Variants in ATP8B4 observed in about 807,000 individuals in gnomAD.
ATP8B4 encodes ATPase phospholipid transporting 8B4 (putative).
ATP8B4 carries 133 observed loss-of-function variants against 145.6 expected under a neutral mutation model. The observed-to-expected ratio is 0.91, with a 90% CI of 0.79 to 1.05. The LOEUF (loss-of-function observed/expected upper bound fraction) is 1.05, where lower values mean the gene tolerates loss of function less well. Among genes scored for constraint, ATP8B4 ranks in the 50% least tolerant of loss-of-function variants. The pLI is 0.00. For missense variants in ATP8B4, 1,458 were observed against 1,425.2 expected, an observed-to-expected ratio of 1.02 and a Z score of -0.37; for synonymous variants, 507 against 492.9, an observed-to-expected ratio of 1.03 and a Z score of -0.38.
At chr15:50,107,973 T>C (rs892204455) in intron 1 of ATP8B4, among the ~76,000 whole-genome samples, 7 of 152,022 alleles carry the variant, frequency 4.6e-5, no homozygotes, top group African/African-American at 1.7e-4. Context: ...CCCTGGAGTA[T>C]GCCTAACAAA....
chr15:50,176,037 G>A (rs1187132740), intron 1 of ATP8B4, among the ~76,000 whole-genome samples: 1 of 151,080 alleles, frequency 6.6e-6, no homozygotes, highest in African/African-American at 2.5e-5. Context: ...TCATAGTATA[G>A]AGAGAGTGTA....
intron 23 of ATP8B4, among the ~76,000 whole-genome samples, chr15:49,893,886 T>G (rs142794255): frequency 6.6e-6 from 1 of 152,304 alleles, no homozygotes; most frequent in East Asian, 1.9e-4. Context: ...AGTAAAACAT[T>G]TAGACAATGC....
chr15:50,023,779 C>CAAAAAAAAAAAAAAAAG (rs2049778895), intron 6 of ATP8B4, among the ~76,000 whole-genome samples: 2 of 75,056 alleles, frequency 2.7e-5, no homozygotes, highest in Non-Finnish European at 5.1e-5. Flanking sequence ...AGACCAAAGG[C>CAAAAAAAAAAAAAAAAG]AAAAAAAAAA....
rs2031116333 is a variant in ATP8B4, at chr15:49,858,685, T to C, written c.*1509A>G. 6.6e-6 allele frequency: 1 copy of C among 152,220 alleles called. No individual in the cohort carries two copies. The highest frequency in any genetic ancestry group is 2.4e-5 in the African/African-American group (1 of 41,462). 9.4% of individuals were successfully genotyped at this position (152,220 alleles called of 1,614,324 possible). ...GACATGATGCTTTATTTTTGCTTTC[T>C]GGTAGAGAAATGTACCTCCACGGTT... On this transcript the variant is annotated 3_prime_UTR_variant, in exon 28 of 28. Coordinates refer to ENST00000284509, the MANE Select transcript of ATP8B4 (RefSeq NM_024837.4).
intron 25 of ATP8B4, among the ~76,000 whole-genome samples, chr15:49,866,789 CA>C (rs1292229432): frequency 6.6e-6 from 1 of 152,196 alleles, no homozygotes; most frequent in Admixed American, 6.5e-5. Flanking sequence ...TATGAAAGCA[CA>C]AGGGCTTATA....
In ATP8B4 at chr15:49,897,333, C is replaced by G. The variant is rs909644023; in HGVS notation, c.2656G>C (p.Val886Leu). 1 of 1,612,892 alleles carries G rather than the reference C, an allele frequency of 6.2e-7. No individual in the cohort carries two copies. The highest frequency in any genetic ancestry group is 8.5e-7 in the Non-Finnish European group (1 of 1,179,618). The change falls in exon 23 of 28, where the codon GTG (valine) becomes CTG (leucine). Residue 886 changes from valine to leucine, a missense_variant. Transcript: ENST00000284509. Reference sequence around the variant, plus strand: ...CAGAAGAAACCAAACCAGAAATGCACAAGTGTAAATGCAAAATTCTTATAG... The same window carrying G: ...CAGAAGAAACCAAACCAGAAATGCAGAAGTGTAAATGCAAAATTCTTATAG... The part of the protein sequence containing the change: ...FFYKNFAFTL[V>L]HFWFGFFCGF...
chr15:50,055,940 C>T (rs146778333), intron 3 of ATP8B4, among the ~76,000 whole-genome samples: 54 of 152,282 alleles, frequency 3.5e-4, no homozygotes, highest in African/African-American at 1.3e-3. Flanking sequence ...GGTAGTTCCT[C>T]AGTATCAGCT....
intron 9 of ATP8B4, among the ~76,000 whole-genome samples, chr15:49,990,334 A>C (rs2046954147): frequency 6.6e-6 from 1 of 152,216 alleles, no homozygotes; most frequent in South Asian, 2.1e-4. Flanking sequence ...TAAGGAAAAA[A>C]TCGCATCATT....
At chr15:50,090,317 C>T (rs1056912726) in intron 2 of ATP8B4, among the ~76,000 whole-genome samples, 4 of 152,096 alleles carry the variant, frequency 2.6e-5, no homozygotes, top group African/African-American at 4.8e-5. Context: ...CCACATTTAC[C>T]TATGTAACAA....
intron 8 of ATP8B4, among the ~76,000 whole-genome samples, chr15:49,998,699 C>T (rs2047632058): frequency 6.6e-6 from 1 of 152,152 alleles, no homozygotes; most frequent in Non-Finnish European, 1.5e-5. Context: ...TGCCTGTTCA[C>T]TCTGATGTTA....
chr15:50,100,057 A>T (rs1432960492), intron 2 of ATP8B4, among the ~76,000 whole-genome samples: 1 of 147,018 alleles, frequency 6.8e-6, no homozygotes, highest in East Asian at 2.1e-4. Context: ...AAAAAAAAGA[A>T]TGCAAGACAT....
At chr15:50,031,694 A>AC (rs1270617772) in intron 6 of ATP8B4, among the ~76,000 whole-genome samples, 1 of 151,850 alleles carries the variant, frequency 6.6e-6, no homozygotes, top group African/African-American at 2.4e-5. Context: ...ATATACATCC[A>AC]CCCCCCTACC....
intron 3 of ATP8B4, among the ~76,000 whole-genome samples, chr15:50,066,325 T>C (rs2053380506): frequency 1.3e-5 from 2 of 152,138 alleles, no homozygotes; most frequent in African/African-American, 4.8e-5. Context: ...ACTGTTACTA[T>C]GGTGATGCCC....
At chr15:49,869,076 T>C (rs1946584306) in intron 25 of ATP8B4, among the ~76,000 whole-genome samples, 1 of 151,922 alleles carries the variant, frequency 6.6e-6, no homozygotes, top group African/African-American at 2.4e-5. Context: ...GCCTGGCTAA[T>C]TTTTTTGTAT....
At chr15:50,152,970 C>G (rs2044365778) in intron 1 of ATP8B4, among the ~76,000 whole-genome samples, 1 of 152,056 alleles carries the variant, frequency 6.6e-6, no homozygotes, top group Non-Finnish European at 1.5e-5. Context: ...AACTGCAAGT[C>G]AAAACTGATG....
intron 3 of ATP8B4, among the ~76,000 whole-genome samples, chr15:50,048,226 G>C (rs984482797): frequency 6.6e-6 from 1 of 151,954 alleles, no homozygotes; most frequent in African/African-American, 2.4e-5. Context: ...ACACCTGAGG[G>C]ACCACCCAAA....
At chr15:49,887,810 A>C (rs1428129591) in intron 23 of ATP8B4, among the ~76,000 whole-genome samples, 1 of 152,200 alleles carries the variant, frequency 6.6e-6, no homozygotes, top group Non-Finnish European at 1.5e-5. Context: ...CCAGCTACAA[A>C]TTACAATCTA....
chr15:49,995,689 C>G (rs1010050205), intron 9 of ATP8B4, among the ~76,000 whole-genome samples: 9 of 152,284 alleles, frequency 5.9e-5, no homozygotes, highest in African/African-American at 2.2e-4. Context: ...TGCTAATACC[C>G]TTGTCCATGT....
At chr15:50,176,617 T>G (rs1441727644) in intron 1 of ATP8B4, among the ~76,000 whole-genome samples, 3 of 152,044 alleles carry the variant, frequency 2.0e-5, no homozygotes, top group Non-Finnish European at 2.9e-5. Context: ...GTATGTGTGT[T>G]GCAGTGGGAT....
Sources: allele counts gnomAD v4.1 joint callset (sites outside exome capture counted in the v4.1 genomes callset), GRCh38; gene constraint gnomAD v4.1.1; transcripts MANE v1.5; gene names NCBI Gene and HGNC (gene_info 2026-07-23, HGNC 2026-07-21).